Variants in CCAR1 observed in about 807,000 individuals in gnomAD.
CCAR1 encodes cell division cycle and apoptosis regulator 1.
Under a neutral mutation model 163.8 loss-of-function variants are expected in CCAR1, and 78 were observed. That is an observed-to-expected ratio of 0.48 (90% CI 0.40 to 0.57). The LOEUF (loss-of-function observed/expected upper bound fraction) is 0.57. Among genes scored for constraint, CCAR1 ranks in the 20% least tolerant of loss-of-function variants. The probability of loss-of-function intolerance (pLI) is 0.00; values close to 1 mark genes in which losing one functional copy is unlikely to be tolerated. For missense variants in CCAR1, 1,019 were observed against 1,365.2 expected, an observed-to-expected ratio of 0.75 and a Z score of 4.00; for synonymous variants, 443 against 460.7, an observed-to-expected ratio of 0.96 and a Z score of 0.49.
At position 68,771,449 on chromosome 10, in the gene CCAR1, T is replaced by A; in HGVS notation, c.2538+4T>A. ...AGAAGATAGAGATGAAAGGAAGGTC[T>A]GTAATAACAACCTGCTTTAGAAGCT... On this transcript the variant is annotated splice_donor_region_variant and intron_variant, in intron 18 of 24. Transcript: ENST00000265872. The A allele has an allele frequency of 6.4e-7, 1 of 1,573,274 alleles. No homozygotes were observed. Among genetic ancestry groups the A allele is most frequent in the Non-Finnish European group, 8.6e-7 (1 of 1,163,706 alleles).
At chr10:68,729,852 A>T (rs977295025) in intron 2 of CCAR1, among the ~76,000 whole-genome samples, 2 of 152,000 alleles carry the variant, frequency 1.3e-5, no homozygotes, top group African/African-American at 4.8e-5. Flanking sequence ...CTCCTGCCTT[A>T]GGCTCCTGTG....
intron 6 of CCAR1, among the ~76,000 whole-genome samples, chr10:68,745,257 C>G (rs2056237476): frequency 6.6e-6 from 1 of 152,124 alleles, no homozygotes; most frequent in African/African-American, 2.4e-5. Flanking sequence ...CCACCCATCT[C>G]AGCCTCCCAA....
chr10:68,730,879 A>G (rs2056028849), intron 2 of CCAR1, among the ~76,000 whole-genome samples: 1 of 151,848 alleles, frequency 6.6e-6, no homozygotes, highest in Non-Finnish European at 1.5e-5. Flanking sequence ...TTTTCATAGA[A>G]GCAGGGTTTT....
At chr10:68,731,473 A>G (rs1284003803) in intron 2 of CCAR1, among the ~76,000 whole-genome samples, 1 of 152,198 alleles carries the variant, frequency 6.6e-6, no homozygotes, top group Non-Finnish European at 1.5e-5. Flanking sequence ...TGATTCCACA[A>G]AATTTGAATA....
chr10:68,764,252 G>C (rs770140697), intron 16 of CCAR1, among the ~76,000 whole-genome samples: 6 of 151,970 alleles, frequency 3.9e-5, no homozygotes, highest in African/African-American at 9.7e-5. Context: ...CATCATCACT[G>C]GGCAGTTGTG....
rs192467909 is a variant in CCAR1 at position 68,774,895 on chromosome 10, A to G, written c.2650+1796A>G. The G allele has an allele frequency of 1.0e-3, 376 of 374,894 alleles. 1 individual carries two copies. The highest frequency in any genetic ancestry group is 7.7e-3 in the African/African-American group (344 of 44,856). 23.2% of individuals were successfully genotyped at this position (374,894 alleles called of 1,614,324 possible). A position where few individuals can be genotyped will look rare whatever the true frequency, so the allele number is the denominator to read the frequency against. On this transcript the variant is annotated intron_variant, in intron 19 of 24. Coordinates refer to ENST00000265872, the MANE Select transcript of CCAR1 (RefSeq NM_018237.4). ...AGGTAGATTTGTGGCTTTTTAAAAA[A>G]TTATATTTTTCTGATATAGAAAATT...
chr10:68,777,208 A>G (rs1589189088), intron 19 of CCAR1, among the ~76,000 whole-genome samples: 2 of 152,206 alleles, frequency 1.3e-5, no homozygotes, highest in East Asian at 3.8e-4. Context: ...AATGCAAGCC[A>G]CATTATCTCT....
At chr10:68,790,276 A>G (rs900343572) in intron 24 of CCAR1, among the ~76,000 whole-genome samples, 3 of 151,800 alleles carry the variant, frequency 2.0e-5, no homozygotes, top group African/African-American at 7.3e-5. Context: ...AATCACTTGA[A>G]CCTGTGAAGC....
intron 6 of CCAR1, among the ~76,000 whole-genome samples, chr10:68,744,051 T>G (rs1316692491): frequency 6.6e-6 from 1 of 152,016 alleles, no homozygotes; most frequent in African/African-American, 2.4e-5. Context: ...ACCTGGCCAG[T>G]TTTTGTATTT....
chr10:68,774,967 ATTAC>A (rs1564549303), intron 19 of CCAR1: 1 of 389,344 alleles, frequency 2.6e-6, no homozygotes, highest in Non-Finnish European at 4.9e-6. Context: ...GTCTCTGGCA[ATTAC>A]TTTTATTTAC....
rs1052649333 is a variant in CCAR1, at chr10:68,762,130, C to T, written c.2106+938C>T. Among the ~76,000 whole-genome samples, 3 of 151,736 alleles carry T rather than the reference C, an allele frequency of 2.0e-5. No individual in the cohort carries two copies. In the South Asian group the frequency reaches 6.3e-4, roughly 32 times the overall value. On this transcript the variant is annotated intron_variant, in intron 16 of 24. Transcript: ENST00000265872. Reference sequence around the variant, plus strand: ...GGATCACGAGGTCAGGAGATCGAGACCGTCCTGGCTAACATGGTAAAACCC... The same window carrying T: ...GGATCACGAGGTCAGGAGATCGAGATCGTCCTGGCTAACATGGTAAAACCC...
chr10:68,767,220 A>T (rs2056546932), intron 17 of CCAR1, among the ~76,000 whole-genome samples: 1 of 152,154 alleles, frequency 6.6e-6, no homozygotes, highest in Admixed American at 6.6e-5. Flanking sequence ...TGTAAGAGAA[A>T]ATAATTGTTT....
chr10:68,775,630 C>T (rs927184312), intron 19 of CCAR1, among the ~76,000 whole-genome samples: 1 of 149,708 alleles, frequency 6.7e-6, no homozygotes, highest in African/African-American at 2.5e-5. Context: ...CTGCCTCAGC[C>T]TTCCGAGTAG....
At chr10:68,771,966 G>A (rs1287603539) in intron 18 of CCAR1, among the ~76,000 whole-genome samples, 1 of 151,810 alleles carries the variant, frequency 6.6e-6, no homozygotes, top group Admixed American at 6.6e-5. Context: ...TCCCTCCCAG[G>A]TTCAAGCAGT....
At chr10:68,751,446 C>G (rs568640752) in intron 10 of CCAR1, among the ~76,000 whole-genome samples, 1 of 152,252 alleles carries the variant, frequency 6.6e-6, no homozygotes, top group East Asian at 1.9e-4. Flanking sequence ...CTTTTCCCAG[C>G]CTCAAAGATA....
Position 68,722,524 on chromosome 10 carries a change from A to C in CCAR1, c.20A>C (p.Gln7Pro). MAQFGGQKNPPWATQFT... is the reference protein window; with the variant it reads MAQFGGPKNPPWATQFT... ...TGCATCATGGCTCAATTTGGAGGAC[A>C]GAAGAATCCGCCATGGGCTACTCAG... The change falls in exon 2 of 25, where the codon CAG becomes CCG. Residue 7 changes from glutamine (Q) to proline (P), a missense_variant. Around this residue, in one of 4 missense-constraint regions of CCAR1, gnomAD observed 644 missense variants for 904.4 expected, o/e 0.71. Coordinates refer to ENST00000265872, the MANE Select transcript of CCAR1 (RefSeq NM_018237.4). 2 of 1,614,032 alleles carry C rather than the reference A, an allele frequency of 1.2e-6. No homozygotes were observed. The highest frequency in any genetic ancestry group is 1.7e-6 in the Non-Finnish European group (2 of 1,179,892).
At chr10:68,722,164 G>A (rs1390420746) in intron 1 of CCAR1, among the ~76,000 whole-genome samples, 3 of 152,202 alleles carry the variant, frequency 2.0e-5, no homozygotes, top group African/African-American at 4.8e-5. Flanking sequence ...GGATACAGCA[G>A]ATGGTCTTCG....
rs867252414 is a variant in CCAR1, at chr10:68,753,719, G to A, written c.1119-133G>A. The A allele has an allele frequency of 7.6e-6, 5 of 654,176 alleles. No homozygotes were observed. The Middle Eastern group carries it at 1.5e-3, about 199-fold the overall frequency. The allele number at this position is 654,176 out of a possible 1,614,324, so 40.5% of individuals were successfully genotyped here. ...TCATATGTCTCTATGCAAATCTATA[G>A]CTCATTAGTAACTGACTTTGTCTTT... On this transcript the variant is annotated intron_variant, in intron 10 of 24. Transcript: ENST00000265872.
intron 2 of CCAR1, among the ~76,000 whole-genome samples, chr10:68,736,069 T>C (rs1364792115): frequency 6.6e-6 from 1 of 152,134 alleles, no homozygotes; most frequent in Non-Finnish European, 1.5e-5. Flanking sequence ...GCCAGCCTGG[T>C]CTCGAACTCT....
Sources: allele counts gnomAD v4.1 joint callset (sites outside exome capture counted in the v4.1 genomes callset), GRCh38; gene constraint gnomAD v4.1.1; regional missense constraint gnomAD v4.1.1; transcripts MANE v1.5; gene names NCBI Gene and HGNC (gene_info 2026-07-23, HGNC 2026-07-21).